FAM13A: variants seen among roughly 807,000 people sequenced by gnomAD.
The protein encoded by FAM13A is protein FAM13A.
In FAM13A, 76 loss-of-function variants were observed where a neutral mutation model predicts 129.6. The ratio of observed to expected loss-of-function variants is 0.59; its 90% CI spans 0.49 to 0.71. The LOEUF is 0.71. Ranked by LOEUF, FAM13A falls within the 30% of genes least tolerant of loss-of-function variation. The probability of loss-of-function intolerance (pLI) is 0.00; values close to 1 mark genes in which losing one functional copy is unlikely to be tolerated. For missense variants in FAM13A, 1,108 were observed against 1,249.3 expected (o/e 0.89, Z 1.70); for synonymous variants, 443 against 449.9 (o/e 0.98, Z 0.20).
chr4:88,982,712 C>T (rs1761792086), intron 4 of FAM13A, among the ~76,000 whole-genome samples: 1 of 152,138 alleles, frequency 6.6e-6, no homozygotes, highest in Non-Finnish European at 1.5e-5. Flanking sequence ...AGGACTTTTG[C>T]CTTAGAAACT....
At chr4:88,886,824 T>C (rs754849534) in intron 6 of FAM13A, among the ~76,000 whole-genome samples, 2 of 151,788 alleles carry the variant, frequency 1.3e-5, no homozygotes, top group African/African-American at 2.4e-5. Flanking sequence ...CGAGAATCAC[T>C]TGAACCCGGG....
rs1195434201 is a variant in FAM13A, at chr4:88,945,998, A to ATGTATGTG, written c.606-7758_606-7757insCACATACA. ...TGTGTGTGTGTGTGTGTGTATATAT[A>ATGTATGTG]TATATATATATATATATATATATAT... On this transcript the variant is annotated intron_variant, in intron 4 of 23. Transcript: ENST00000264344. 5.9e-3 allele frequency among the ~76,000 whole-genome samples: 416 copies of ATGTATGTG among 70,078 alleles called. 16 individuals carry two copies. Among genetic ancestry groups the ATGTATGTG allele is most frequent in the Non-Finnish European group, 9.3e-3 (286 of 30,600 alleles). The allele number at this position is 70,078 out of a possible 152,430, so 46.0% of individuals were successfully genotyped here.
intron 23 of FAM13A, 124 bp from the exon 24 acceptor site, chr4:88,728,783 C>T: frequency 8.9e-7 from 1 of 1,127,460 alleles, no homozygotes; most frequent in East Asian, 2.4e-5. Context: ...ATCAGTGTTG[C>T]CGAGTGGCCC....
At chr4:89,029,389 TA>T in intron 2 of FAM13A, 70 bp downstream of exon 2, 1 of 1,196,380 alleles carries the variant, frequency 8.4e-7, no homozygotes. Flanking sequence ...CATTATGAAA[TA>T]ATTCACACAA....
chr4:88,915,422 GGAA>G lies in FAM13A; in HGVS notation c.760-8963_760-8961del, dbSNP rs564406831. Among the ~76,000 whole-genome samples the G allele has an allele frequency of 1.5e-3, 225 of 152,168 alleles. 1 individual carries two copies. The highest frequency in any genetic ancestry group is 5.2e-3 in the African/African-American group (214 of 41,488). On this transcript the variant is annotated intron_variant, in intron 5 of 23. Coordinates refer to ENST00000264344, the MANE Select transcript of FAM13A (RefSeq NM_014883.4). ...GGCTTGGCCCAGGGAAGTAGAAATGGGAAGATGAGAAGTAGTGAAATTCTACAT... is the reference window on the plus strand; with the variant it reads ...GGCTTGGCCCAGGGAAGTAGAAATGGGATGAGAAGTAGTGAAATTCTACAT...
rs11736626 is a variant in FAM13A at position 88,972,076 on chromosome 4, T to A, written c.605+18897A>T. On this transcript the variant is annotated intron_variant, in intron 4 of 23. Transcript: ENST00000264344. ...TACATAATTAAATATATTGTTACTA[T>A]TATTATTTTGAATAAACTGTTATCC... Among the ~76,000 whole-genome samples, 45 of 152,236 alleles carry A rather than the reference T, an allele frequency of 3.0e-4. No homozygotes were observed. In the Middle Eastern group the frequency reaches 0.01, roughly 35 times the overall value.
At chr4:88,972,862 C>T (rs2869970) in intron 4 of FAM13A, among the ~76,000 whole-genome samples, 23,976 of 152,158 alleles carry the variant, frequency 0.16, 2,012 homozygotes, top group South Asian at 0.28. Context: ...CCTGCCTTGA[C>T]CTCCCAAAGT....
rs571537327 is a variant in FAM13A, at chr4:88,789,919, G to C, written c.1091+667C>G. On this transcript the variant is annotated intron_variant, in intron 9 of 23. Coordinates refer to ENST00000264344, the MANE Select transcript of FAM13A (RefSeq NM_014883.4). ...GGGAACAGTAGGTCATGTGGCTGAA[G>C]TGTAATGAGCAATATGGTCAGAGGC... 2.0e-5 allele frequency among the ~76,000 whole-genome samples: 3 copies of C among 152,256 alleles called. No homozygotes were observed. In the South Asian group the frequency reaches 6.2e-4, roughly 32 times the overall value.
intron 6 of FAM13A, among the ~76,000 whole-genome samples, chr4:88,872,675 C>T (rs977722484): frequency 6.6e-6 from 1 of 152,186 alleles, no homozygotes; most frequent in Admixed American, 6.5e-5. Context: ...TAGACCCCCA[C>T]ACAATAATAA....
At chr4:88,734,458 C>G (rs1170352726) in intron 21 of FAM13A, among the ~76,000 whole-genome samples, 1 of 152,176 alleles carries the variant, frequency 6.6e-6, no homozygotes, top group Non-Finnish European at 1.5e-5. Context: ...GTATTTCCTA[C>G]AGCTGAAATA....
intron 7 of FAM13A, chr4:88,823,441 C>T (rs1205805147): frequency 3.6e-6 from 2 of 549,054 alleles, no homozygotes; most frequent in African/African-American, 2.0e-5. Context: ...GTTCTGGTAA[C>T]TTGAAACTTT....
chr4:88,851,002 TAAAG>T lies in FAM13A; in HGVS notation c.1007+14_1007+17del. The stretch of plus-strand genomic sequence containing the variant: ...AATAATGCAATATGGATTGTGTAGA[TAAAG>T]AAAACATGCCAACCTGGGTACCAAC... On this transcript the variant is annotated intron_variant, in intron 7 of 23. Transcript: ENST00000264344. The T allele has an allele frequency of 6.2e-7, 1 of 1,612,814 alleles. No individual in the cohort carries two copies. The highest frequency in any genetic ancestry group is 8.5e-7 in the Non-Finnish European group (1 of 1,178,994).
chr4:88,783,811 A>G (rs865781183), intron 10 of FAM13A, among the ~76,000 whole-genome samples: 2 of 152,086 alleles, frequency 1.3e-5, no homozygotes, highest in South Asian at 4.1e-4. Flanking sequence ...GAGTGTGCAC[A>G]CAGGGGAAGG....
chr4:89,010,855 C>CT (rs964789534), intron 3 of FAM13A, among the ~76,000 whole-genome samples: 2 of 151,282 alleles, frequency 1.3e-5, no homozygotes, highest in Admixed American at 6.6e-5. Flanking sequence ...ATTATCTTTT[C>CT]TTTTTTTTTC....
intron 6 of FAM13A, among the ~76,000 whole-genome samples, chr4:88,894,187 C>A (rs1745886179): frequency 6.6e-6 from 1 of 152,194 alleles, no homozygotes; most frequent in African/African-American, 2.4e-5. Context: ...TAAAGATGCA[C>A]ATGCTTACGA....
At chr4:88,753,720 T>C (rs1442076211) in intron 14 of FAM13A, 29 of 426,024 alleles carry the variant, frequency 6.8e-5, no homozygotes, top group Non-Finnish European at 8.8e-5. Context: ...CACAGTTCAG[T>C]ATAACTAAGG....
At chr4:88,764,544 C>G (rs1015000392) in intron 13 of FAM13A, among the ~76,000 whole-genome samples, 4 of 152,160 alleles carry the variant, frequency 2.6e-5, no homozygotes, top group Admixed American at 1.3e-4. Flanking sequence ...CTCTGAAAAT[C>G]TGTAATTTCA....
At chr4:88,798,723 T>C (rs1189293775) in intron 8 of FAM13A, among the ~76,000 whole-genome samples, 1 of 152,218 alleles carries the variant, frequency 6.6e-6, no homozygotes, top group Non-Finnish European at 1.5e-5. Context: ...TTGTCTTTTA[T>C]ATCATCATTG....
chr4:89,008,382 A>T (rs1454426459), intron 3 of FAM13A, among the ~76,000 whole-genome samples: 1 of 152,194 alleles, frequency 6.6e-6, no homozygotes, highest in African/African-American at 2.4e-5. Flanking sequence ...ACTCCAGCAC[A>T]GACAAAAGGC....
Sources: allele counts gnomAD v4.1 joint callset (sites outside exome capture counted in the v4.1 genomes callset), GRCh38; gene constraint gnomAD v4.1.1; transcripts MANE v1.5; gene names NCBI Gene and HGNC (gene_info 2026-07-23, HGNC 2026-07-21).